LMBR1: variants seen among roughly 807,000 people sequenced by gnomAD.
LMBR1 encodes the protein limb region 1 protein homolog.
In LMBR1, 52 loss-of-function variants were observed where a neutral mutation model predicts 73.9. That is an observed-to-expected ratio of 0.70 (90% CI 0.56 to 0.89). LMBR1 has a LOEUF of 0.89. LMBR1 is among the 40% of genes least tolerant of loss of function. The pLI is 0.00. For missense variants in LMBR1, 539 were observed against 579.8 expected (o/e 0.93, Z 0.72); for synonymous variants, 215 against 209.4 (o/e 1.03, Z -0.23).
chr7:156,742,099 G>C (rs1819005992), intron 9 of LMBR1, among the ~76,000 whole-genome samples: 1 of 152,020 alleles, frequency 6.6e-6, no homozygotes, highest in Non-Finnish European at 1.5e-5. Flanking sequence ...TGAAACAAAT[G>C]ATAATGGAAG....
chr7:156,778,161 CAA>C (rs1936526959), intron 5 of LMBR1, among the ~76,000 whole-genome samples: 1 of 152,126 alleles, frequency 6.6e-6, no homozygotes, highest in Non-Finnish European at 1.5e-5. Flanking sequence ...ATAAATTGTT[CAA>C]AAAGTTATTT....
At chr7:156,757,664 T>A (rs560593654) in intron 8 of LMBR1, among the ~76,000 whole-genome samples, 5 of 152,232 alleles carry the variant, frequency 3.3e-5, no homozygotes, top group African/African-American at 9.6e-5. Flanking sequence ...GCAAAAAAAA[T>A]AAATTGTGAG....
At chr7:156,784,496 C>T (rs572273328) in intron 5 of LMBR1, among the ~76,000 whole-genome samples, 18 of 152,310 alleles carry the variant, frequency 1.2e-4, no homozygotes, top group Admixed American at 5.2e-4. Flanking sequence ...GCAAATGCTA[C>T]ACTGCCTGCT....
intron 9 of LMBR1, among the ~76,000 whole-genome samples, chr7:156,739,815 T>C (rs1369740854): frequency 6.6e-6 from 1 of 152,032 alleles, no homozygotes; most frequent in Non-Finnish European, 1.5e-5. Context: ...CTACAATAAA[T>C]ACTTAACTCT....
chr7:156,817,658 A>G (rs1169026015), intron 4 of LMBR1, among the ~76,000 whole-genome samples: 1 of 152,196 alleles, frequency 6.6e-6, no homozygotes, highest in Non-Finnish European at 1.5e-5. Flanking sequence ...TTTTTCTTAA[A>G]AAACAAATAA....
At chr7:156,746,639 T>G (rs1393876185) in intron 9 of LMBR1, among the ~76,000 whole-genome samples, 1 of 152,212 alleles carries the variant, frequency 6.6e-6, no homozygotes, top group Non-Finnish European at 1.5e-5. Flanking sequence ...AAATCATACT[T>G]TTATTAAATG....
At chr7:156,707,011 AAGAG>A (rs1811087752) in intron 15 of LMBR1, among the ~76,000 whole-genome samples, 1 of 152,052 alleles carries the variant, frequency 6.6e-6, no homozygotes, top group African/African-American at 2.4e-5. Context: ...AGGGAAAAAA[AAGAG>A]ACAACACAAA....
intron 1 of LMBR1, among the ~76,000 whole-genome samples, chr7:156,888,101 G>C (rs980471585): frequency 6.6e-6 from 1 of 152,120 alleles, no homozygotes; most frequent in African/African-American, 2.4e-5. Context: ...AAATGGTATG[G>C]CAGTTCCTCA....
At chr7:156,734,383 T>C in intron 9 of LMBR1, 126 bp from the exon 10 acceptor site, 1 of 571,626 alleles carries the variant, frequency 1.7e-6, no homozygotes, top group Non-Finnish European at 3.0e-6. Flanking sequence ...CAAGAAATGT[T>C]GCTGTGATTC....
At chr7:156,743,641 T>C (rs1450292714) in intron 9 of LMBR1, among the ~76,000 whole-genome samples, 5 of 152,224 alleles carry the variant, frequency 3.3e-5, no homozygotes, top group Non-Finnish European at 7.3e-5. Flanking sequence ...ATTATATTTG[T>C]TCTTTATTTC....
rs1586528207 is a variant in LMBR1, at chr7:156,892,834, A to T, written c.66+94T>A. ...GCGGGAGGCGCGAGGCGAGGCCCGG[A>T]GGTGAGGGGTCCGGGGACCGGGGGC... On this transcript the variant is annotated intron_variant, in intron 1 of 16. Coordinates refer to ENST00000353442, the MANE Select transcript of LMBR1 (RefSeq NM_022458.4). The T allele has an allele frequency of 2.2e-5, 16 of 731,338 alleles. No individual in the cohort carries two copies. In the South Asian group the frequency reaches 4.0e-4, roughly 18 times the overall value. 45.3% of individuals were successfully genotyped at this position (731,338 alleles called of 1,614,324 possible).
In LMBR1 at chr7:156,680,394, G is replaced by GAA. The variant is rs1373214836; in HGVS notation, c.*3683_*3684insTT. On this transcript the variant is annotated 3_prime_UTR_variant, in exon 17 of 17. Transcript: ENST00000353442. ...TGAGAGACAGAGAGAGAGAGAGAGA[G>GAA]AGAGAGAGAGTGTGTGTGTGTGTGT... 2.1e-5 allele frequency: 3 copies of GAA among 144,532 alleles called. No homozygotes were observed. Among genetic ancestry groups the GAA allele is most frequent in the Non-Finnish European group, 4.5e-5 (3 of 66,536 alleles). The allele number at this position is 144,532 out of a possible 1,614,324, so 9.0% of individuals were successfully genotyped here. A position where few individuals can be genotyped will look rare whatever the true frequency, so the allele number is the denominator to read the frequency against.
At chr7:156,766,494 G>A (rs1230423910) in intron 5 of LMBR1, among the ~76,000 whole-genome samples, 1 of 152,088 alleles carries the variant, frequency 6.6e-6, no homozygotes, top group African/African-American at 2.4e-5. Flanking sequence ...TAGCATCCAT[G>A]AAACTCGGAG....
At chr7:156,807,673 T>C (rs760420050) in intron 4 of LMBR1, among the ~76,000 whole-genome samples, 14 of 152,224 alleles carry the variant, frequency 9.2e-5, no homozygotes, top group Admixed American at 8.5e-4. Context: ...TAAAGAAAGA[T>C]TTCCCTTCTT....
chr7:156,708,034 TA>T (rs779179620), intron 15 of LMBR1, among the ~76,000 whole-genome samples: 4,659 of 114,866 alleles, frequency 0.041, 94 homozygotes, highest in Non-Finnish European at 0.045. Flanking sequence ...CATTTCTATA[TA>T]AAAAAAAAAA....
chr7:156,868,123 AAAGAC>A lies in LMBR1; in HGVS notation c.66+24800_66+24804del, dbSNP rs571522420. On this transcript the variant is annotated intron_variant, in intron 1 of 16. Transcript: ENST00000353442. ...CTTAAGTCCAAATGAAAAAGGGAAA[AAAGAC>A]AAGAAATAAAGTGTCAGCTAAAGAA... Among the ~76,000 whole-genome samples the A allele has an allele frequency of 2.8e-4, 42 of 152,266 alleles. No individual in the cohort carries two copies. In the South Asian group the frequency reaches 8.5e-3, roughly 31 times the overall value.
In LMBR1 at chr7:156,725,805, C is replaced by T. The variant is rs140247020; in HGVS notation, c.1026G>A (p.Thr342=). The T allele has an allele frequency of 1.2e-4, 190 of 1,613,532 alleles. No individual in the cohort carries two copies. Among genetic ancestry groups the T allele is most frequent in the Non-Finnish European group, 1.4e-4 (170 of 1,179,708 alleles). Residue 342 remains threonine, a synonymous_variant, in exon 13 of 17, where the codon ACG becomes ACA. Transcript: ENST00000353442. The part of the protein sequence containing the change: ...GPGIGNASLS[T]FGFVGAALEI... ...CAAGCGCAGCTCCCACAAAACCAAA[C>T]GTAGAAAGAGAGGCATTTCCTATTC... is the stretch of plus-strand genomic sequence containing the variant.
At chr7:156,871,274 G>A (rs1170212990) in intron 1 of LMBR1, among the ~76,000 whole-genome samples, 1 of 152,106 alleles carries the variant, frequency 6.6e-6, no homozygotes, top group African/African-American at 2.4e-5. Flanking sequence ...AAACCTATAA[G>A]AAGTATGCAG....
intron 5 of LMBR1, among the ~76,000 whole-genome samples, chr7:156,778,128 A>C (rs1826483598): frequency 6.6e-6 from 1 of 152,238 alleles, no homozygotes; most frequent in Non-Finnish European, 1.5e-5. Flanking sequence ...ATTTAGCCAA[A>C]AGAACTCTCT....
Sources: gnomAD v4.1 joint callset for allele counts (sites outside exome capture counted in the v4.1 genomes callset) on GRCh38, gnomAD v4.1.1 for gene constraint, MANE v1.5 for transcripts, NCBI Gene and HGNC (gene_info 2026-07-23, HGNC 2026-07-21) for gene names.